Variants in UGT2A2 observed in about 807,000 individuals in gnomAD.
UGT2A2 encodes the protein UDP glucuronosyltransferase family 2 member A2, also known as UDP-glucuronosyltransferase 2A2.
In UGT2A2, 60 loss-of-function variants were observed where a neutral mutation model predicts 50.7. The ratio of observed to expected loss-of-function variants is 1.18; its 90% CI spans 0.96 to 1.47. The LOEUF is 1.47. Ranked by LOEUF, UGT2A2 falls within the 40% of genes most tolerant of loss-of-function variation. UGT2A2 has a pLI of 0.00. For missense variants in UGT2A2, 762 were observed against 634.0 expected, an observed-to-expected ratio of 1.20 and a Z score of -2.17; for synonymous variants, 242 against 214.6, an observed-to-expected ratio of 1.13 and a Z score of -1.11.
At chr4:69,627,548 A>AAAGAG (rs1721147175) in intron 1 of UGT2A2, among the ~76,000 whole-genome samples, 1 of 62,590 alleles carries the variant, frequency 1.6e-5, no homozygotes, top group Non-Finnish European at 3.7e-5. Flanking sequence ...GAGAGAGAGA[A>AAAGAG]AGAGAGAGAG....
chr4:69,600,953 C>A (rs1336092584), intron 1 of UGT2A2, among the ~76,000 whole-genome samples: 1 of 152,088 alleles, frequency 6.6e-6, no homozygotes, highest in East Asian at 1.9e-4. Flanking sequence ...TTGGGGATCA[C>A]AATTTGACAT....
chr4:69,631,916 G>T (rs553341633), intron 1 of UGT2A2, among the ~76,000 whole-genome samples: 29 of 152,074 alleles, frequency 1.9e-4, no homozygotes, highest in African/African-American at 6.5e-4. Flanking sequence ...GTCAAGAAAA[G>T]ACAGAAAATA....
intron 1 of UGT2A2, among the ~76,000 whole-genome samples, chr4:69,612,778 T>G (rs1004297357): frequency 1.3e-5 from 2 of 151,800 alleles, no homozygotes; most frequent in African/African-American, 4.8e-5. Flanking sequence ...TAAAAATCTT[T>G]GAAGAAAACC....
At chr4:69,598,017 G>T (rs1015355552) in intron 2 of UGT2A2, among the ~76,000 whole-genome samples, 5 of 152,024 alleles carry the variant, frequency 3.3e-5, no homozygotes, top group Admixed American at 2.0e-4. Context: ...GTAAAAAGTG[G>T]GTTTGGGAGG....
At chr4:69,596,849 G>A (rs556474165) in intron 2 of UGT2A2, among the ~76,000 whole-genome samples, 22 of 152,136 alleles carry the variant, frequency 1.4e-4, no homozygotes, top group Non-Finnish European at 2.5e-4. Flanking sequence ...GAGGAAACAC[G>A]TCTCTGAAAT....
chr4:69,604,648 C>A lies in UGT2A2; in HGVS notation c.743-5254G>T, dbSNP rs1719491717. Among the ~76,000 whole-genome samples, 2 of 136,630 alleles carry A rather than the reference C, an allele frequency of 1.5e-5. 1 individual carries two copies. Among genetic ancestry groups the A allele is most frequent in the South Asian group, 4.8e-4 (2 of 4,158 alleles). The allele number at this position is 136,630 out of a possible 152,430, so 89.6% of individuals were successfully genotyped here. On this transcript the variant is annotated intron_variant, in intron 1 of 5. Transcript: ENST00000604629. ...GGCAAATTGGATAAAGAGCCAAGAC[C>A]CATCAGTGTGCTGTATTCAGGAAAC...
intron 1 of UGT2A2, among the ~76,000 whole-genome samples, chr4:69,614,737 G>A (rs1178690681): frequency 6.6e-6 from 1 of 152,002 alleles, no homozygotes; most frequent in Non-Finnish European, 1.5e-5. Flanking sequence ...GACTCTTAAT[G>A]GTGCTGGGAA....
chr4:69,613,540 C>A (rs1423102181), intron 1 of UGT2A2, among the ~76,000 whole-genome samples: 1 of 151,864 alleles, frequency 6.6e-6, no homozygotes, highest in Non-Finnish European at 1.5e-5. Context: ...CAACTACAGG[C>A]CAATATCTGT....
chr4:69,619,262 G>A (rs377396796), intron 1 of UGT2A2, among the ~76,000 whole-genome samples: 4 of 151,688 alleles, frequency 2.6e-5, no homozygotes, highest in South Asian at 2.1e-4. Context: ...TTAGCCAAGT[G>A]TGGTGGTGCA....
At chr4:69,635,916 C>T (rs1439219534) in intron 1 of UGT2A2, 1 of 150,208 alleles carries the variant, frequency 6.7e-6, no homozygotes, top group African/African-American at 2.5e-5. Context: ...CTTGGCCTGA[C>T]CAAAATTTAT....
chr4:69,591,303 T>C (rs10017134), intron 5 of UGT2A2, among the ~76,000 whole-genome samples: 114,942 of 152,056 alleles, frequency 0.76, 43,587 homozygotes, highest in South Asian at 0.85. Flanking sequence ...TAATCAAATA[T>C]GTTTAAGAAA....
At chr4:69,602,069 T>A (rs1455183827) in intron 1 of UGT2A2, among the ~76,000 whole-genome samples, 1 of 137,050 alleles carries the variant, frequency 7.3e-6, no homozygotes, top group Non-Finnish European at 1.6e-5. Context: ...AAAATGATTA[T>A]CTGACTAAAT....
At chr4:69,608,050 T>C (rs933119527) in intron 1 of UGT2A2, among the ~76,000 whole-genome samples, 2 of 152,092 alleles carry the variant, frequency 1.3e-5, no homozygotes, top group African/African-American at 4.8e-5. Context: ...TACCATTTGA[T>C]CCAGCCATCC....
rs187187340 is a variant in UGT2A2, at chr4:69,633,752, C to T, written c.742+5147G>A. Among the ~76,000 whole-genome samples, 30 of 152,106 alleles carry T rather than the reference C, an allele frequency of 2.0e-4. No homozygotes were observed. In the East Asian group the frequency reaches 3.5e-3, roughly 18 times the overall value. On this transcript the variant is annotated intron_variant, in intron 1 of 5. Coordinates refer to ENST00000604629, the MANE Select transcript of UGT2A2 (RefSeq NM_001105677.2). Reference sequence around the variant, plus strand: ...ACGTTTAAAGTCAAGGAAAATTGATCCATGGTTTCAGAAGCCAAGAAAGTG... The same window carrying T: ...ACGTTTAAAGTCAAGGAAAATTGATTCATGGTTTCAGAAGCCAAGAAAGTG...
intron 5 of UGT2A2, among the ~76,000 whole-genome samples, chr4:69,594,135 C>A (rs1215696005): frequency 6.6e-6 from 1 of 151,708 alleles, no homozygotes; most frequent in Non-Finnish European, 1.5e-5. Flanking sequence ...CTATCATACC[C>A]GGCTAAATTT....
rs537916759 is a variant in UGT2A2, at chr4:69,607,423, C to G, written c.743-8029G>C. Among the ~76,000 whole-genome samples the G allele has an allele frequency of 8.6e-5, 13 of 151,258 alleles. No homozygotes were observed. In the South Asian group the frequency reaches 2.1e-3, roughly 25 times the overall value. On this transcript the variant is annotated intron_variant, in intron 1 of 5. Coordinates refer to ENST00000604629, the MANE Select transcript of UGT2A2 (RefSeq NM_001105677.2). ...CACCTTATACAAAAATTAATTCAAG[C>G]TGGATTAAAGACTTACATGTTAGAC... is the stretch of plus-strand genomic sequence containing the variant.
Position 69,599,152 on chromosome 4 carries a change from G to A in UGT2A2, c.891+94C>T, listed in dbSNP as rs565399121. On this transcript the variant is annotated intron_variant, in intron 2 of 5. Coordinates refer to ENST00000604629, the MANE Select transcript of UGT2A2 (RefSeq NM_001105677.2). ...GTGGAGTAGCAAACTGAAATGTCCAGCAGCATTTATTTGTTATTGAGGCTA... is the reference window on the plus strand; with the variant it reads ...GTGGAGTAGCAAACTGAAATGTCCAACAGCATTTATTTGTTATTGAGGCTA... 9.0e-5 allele frequency: 130 copies of A among 1,443,264 alleles called. 1 individual carries two copies. The East Asian group carries it at 2.9e-3, about 33-fold the overall frequency. The allele number at this position is 1,443,264 out of a possible 1,614,324, so 89.4% of individuals were successfully genotyped here.
At chr4:69,591,596 C>A (rs1240704087) in intron 5 of UGT2A2, among the ~76,000 whole-genome samples, 1 of 152,082 alleles carries the variant, frequency 6.6e-6, no homozygotes, top group Non-Finnish European at 1.5e-5. Flanking sequence ...TATACTAAGG[C>A]ATATTTGACC....
intron 1 of UGT2A2, among the ~76,000 whole-genome samples, chr4:69,632,335 A>T (rs1018537678): frequency 2.0e-5 from 3 of 151,876 alleles, no homozygotes; most frequent in Non-Finnish European, 4.4e-5. Flanking sequence ...GATAAGGTAA[A>T]TTTTTTTTCC....
Sources: gnomAD v4.1 joint callset for allele counts (sites outside exome capture counted in the v4.1 genomes callset) on GRCh38, gnomAD v4.1.1 for gene constraint, MANE v1.5 for transcripts, NCBI Gene and HGNC (gene_info 2026-07-23, HGNC 2026-07-21) for gene names.